Variants in XYLT1 observed in about 807,000 individuals in gnomAD.
XYLT1 encodes the protein xylosyltransferase 1.
Under a neutral mutation model 91.3 loss-of-function variants are expected in XYLT1, and 36 were observed. The observed-to-expected ratio is 0.39, with a 90% confidence interval of 0.30 to 0.52. The LOEUF (loss-of-function observed/expected upper bound fraction) is 0.52. Among genes scored for constraint, XYLT1 ranks in the 20% least tolerant of loss-of-function variants. XYLT1 has a pLI of 0.68. For synonymous variants in XYLT1, 588 were observed against 532.0 expected (o/e 1.11, Z -1.45); for missense variants, 1,242 against 1,284.5 (o/e 0.97, Z 0.51).
At chr16:17,122,977 G>A (rs987469544) in intron 10 of XYLT1, among the ~76,000 whole-genome samples, 2 of 152,092 alleles carry the variant, frequency 1.3e-5, no homozygotes, top group African/African-American at 2.4e-5. Flanking sequence ...TGGTGACTAT[G>A]GCCTTATAGT....
intron 9 of XYLT1, among the ~76,000 whole-genome samples, chr16:17,131,192 C>T (rs1384327195): frequency 6.7e-6 from 1 of 149,594 alleles, no homozygotes; most frequent in East Asian, 2.0e-4. Context: ...TCTCTTGAAC[C>T]TCAAGTTACA....
intron 11 of XYLT1, among the ~76,000 whole-genome samples, chr16:17,114,550 G>A (rs1419179460): frequency 6.6e-6 from 1 of 152,162 alleles, no homozygotes; most frequent in Non-Finnish European, 1.5e-5. Flanking sequence ...ATGGCAGTGT[G>A]AGAGCAGAGG....
At chr16:17,146,909 C>G (rs538473400) in intron 6 of XYLT1, among the ~76,000 whole-genome samples, 1 of 152,280 alleles carries the variant, frequency 6.6e-6, no homozygotes, top group East Asian at 1.9e-4. Context: ...CTTGCTCTTT[C>G]TCTAACACAT....
rs1016507291 is a variant in XYLT1 at position 17,470,954 on chromosome 16, G to C, written c.-158C>G. ...CCCACACCCCTGTCCCCGCTGGAGG[G>C]GAGGGTGATGGGGAAGGCGCCGGGG... On this transcript the variant is annotated 5_prime_UTR_variant, in exon 1 of 12. Transcript: ENST00000261381. 1 of 4,848 alleles carries C rather than the reference G, an allele frequency of 2.1e-4. No individual in the cohort carries two copies. The highest frequency in any genetic ancestry group is 6.4e-4 in the Non-Finnish European group (1 of 1,562). 0.3% of individuals were successfully genotyped at this position (4,848 alleles called of 1,614,324 possible).
chr16:17,273,563 G>A (rs1184141130), intron 2 of XYLT1, among the ~76,000 whole-genome samples: 4 of 152,188 alleles, frequency 2.6e-5, no homozygotes, highest in Admixed American at 6.5e-5. Context: ...TGAGAAGTAC[G>A]CCAGGCATGG....
chr16:17,406,413 C>G (rs1190514777), intron 1 of XYLT1, among the ~76,000 whole-genome samples: 1 of 152,214 alleles, frequency 6.6e-6, no homozygotes, highest in Non-Finnish European at 1.5e-5. Flanking sequence ...TCTCTGTGCT[C>G]CAGTGAGGTC....
intron 3 of XYLT1, among the ~76,000 whole-genome samples, chr16:17,242,527 T>C (rs886320835): frequency 3.3e-5 from 5 of 152,194 alleles, no homozygotes; most frequent in Admixed American, 6.5e-5. Context: ...AATTGTCATC[T>C]GTGAAATGGG....
At chr16:17,248,629 G>C (rs1428234651) in intron 3 of XYLT1, among the ~76,000 whole-genome samples, 1 of 152,026 alleles carries the variant, frequency 6.6e-6, no homozygotes, top group Non-Finnish European at 1.5e-5. Flanking sequence ...CCTTGACCTG[G>C]AATGTCCCCC....
At chr16:17,420,459 A>C (rs960433558) in intron 1 of XYLT1, among the ~76,000 whole-genome samples, 6 of 152,040 alleles carry the variant, frequency 3.9e-5, no homozygotes, top group Non-Finnish European at 8.8e-5. Context: ...GGGTTAGGTA[A>C]TTTTTTTCAT....
intron 2 of XYLT1, among the ~76,000 whole-genome samples, chr16:17,339,417 A>G (rs2141845637): frequency 6.6e-6 from 1 of 152,312 alleles, no homozygotes; most frequent in South Asian, 2.1e-4. Context: ...ATGTCTCCAA[A>G]TATTGTTTAT....
At position 17,200,538 on chromosome 16, in the gene XYLT1, G is replaced by A. The variant is rs1423401670; in HGVS notation, c.1030C>T (p.Arg344Cys). The change falls in exon 4 of 12, where the codon CGC (arginine) becomes TGC (cysteine). Residue 344 changes from arginine to cysteine, a missense_variant. Coordinates refer to ENST00000261381, the MANE Select transcript of XYLT1 (RefSeq NM_022166.4). ...TTGTGGTAGATGGCCTTGAACATGC[G>A]CTGCAACTGCCGAGAGGCACGGCCG... is the stretch of plus-strand genomic sequence containing the variant. ...VHGRASRQLQ[R>C]MFKAIYHKDH... 3 of 1,614,064 alleles carry A rather than the reference G, an allele frequency of 1.9e-6. No homozygotes were observed. The highest frequency in any genetic ancestry group is 1.7e-6 in the Non-Finnish European group (2 of 1,180,028).
chr16:17,373,247 C>G (rs376867264), intron 1 of XYLT1, among the ~76,000 whole-genome samples: 1 of 152,138 alleles, frequency 6.6e-6, no homozygotes, highest in Non-Finnish European at 1.5e-5. Context: ...CAAGCAAAAG[C>G]TCTGGCATCC....
intron 1 of XYLT1, among the ~76,000 whole-genome samples, chr16:17,447,409 CT>C (rs1567206436): frequency 6.6e-6 from 1 of 152,242 alleles, no homozygotes; most frequent in Admixed American, 6.5e-5. Flanking sequence ...ATTCTAGACC[CT>C]GTGCCAGGCT....
chr16:17,135,563 CAAAA>C (rs112216252), intron 8 of XYLT1, among the ~76,000 whole-genome samples: 17 of 117,108 alleles, frequency 1.5e-4, no homozygotes, highest in Non-Finnish European at 2.6e-4. Flanking sequence ...GAGTGTAGCT[CAAAA>C]AAAAAAAAAA....
At chr16:17,172,466 CTTTT>C (rs1157952692) in intron 5 of XYLT1, among the ~76,000 whole-genome samples, 2 of 102,630 alleles carry the variant, frequency 1.9e-5, no homozygotes, top group African/African-American at 3.8e-5. Flanking sequence ...GCGTTCATTT[CTTTT>C]TTTTTTTTTT....
chr16:17,352,073 T>C (rs2035229134), intron 2 of XYLT1, among the ~76,000 whole-genome samples: 1 of 152,090 alleles, frequency 6.6e-6, no homozygotes, highest in Admixed American at 6.5e-5. Context: ...TGAACCGAGA[T>C]GGAGTCACTG....
At chr16:17,277,084 G>A (rs1042656395) in intron 2 of XYLT1, among the ~76,000 whole-genome samples, 6 of 152,166 alleles carry the variant, frequency 3.9e-5, no homozygotes, top group Non-Finnish European at 7.4e-5. Flanking sequence ...ACAGACAGAT[G>A]CCTGCTCCTA....
intron 2 of XYLT1, among the ~76,000 whole-genome samples, chr16:17,348,896 T>C (rs1427535771): frequency 1.3e-5 from 2 of 152,230 alleles, no homozygotes; most frequent in South Asian, 2.1e-4. Context: ...TTCAAAGATC[T>C]TGGTGCGTGT....
At chr16:17,283,875 A>G (rs2034094766) in intron 2 of XYLT1, among the ~76,000 whole-genome samples, 1 of 152,220 alleles carries the variant, frequency 6.6e-6, no homozygotes, top group South Asian at 2.1e-4. Flanking sequence ...ACCATGAATT[A>G]GGACTCTCAT....
Sources: gnomAD v4.1 joint callset for allele counts (sites outside exome capture counted in the v4.1 genomes callset) on GRCh38, gnomAD v4.1.1 for gene constraint, MANE v1.5 for transcripts, NCBI Gene and HGNC (gene_info 2026-07-23, HGNC 2026-07-21) for gene names.